Variants in MYO5A observed in about 807,000 individuals in gnomAD.
The protein encoded by MYO5A is unconventional myosin-Va.
A neutral mutation model predicts 249.7 loss-of-function variants in MYO5A; 98 were observed. That is an observed-to-expected ratio of 0.39 (90% CI 0.33 to 0.46). The LOEUF (loss-of-function observed/expected upper bound fraction) is 0.46, where lower values mean the gene tolerates loss of function less well. Among genes scored for constraint, MYO5A ranks in the 20% least tolerant of loss-of-function variants. The probability of loss-of-function intolerance (pLI) is 0.98; values close to 1 mark genes in which losing one functional copy is unlikely to be tolerated. For missense variants in MYO5A, 1,696 were observed against 2,308.8 expected (o/e 0.73, Z 5.44); for synonymous variants, 778 against 810.6 (o/e 0.96, Z 0.68).
intron 37 of MYO5A, among the ~76,000 whole-genome samples, chr15:52,322,726 T>C (rs946629806): frequency 6.6e-6 from 1 of 151,824 alleles, no homozygotes; most frequent in Non-Finnish European, 1.5e-5. Flanking sequence ...AACAATAGAG[T>C]TTTTTTGGAC....
chr15:52,326,632 G>A (rs2038622344), intron 36 of MYO5A, among the ~76,000 whole-genome samples: 1 of 152,172 alleles, frequency 6.6e-6, no homozygotes, highest in South Asian at 2.1e-4. Context: ...ATGGATGATG[G>A]TGATGGCTGT....
At chr15:52,382,856 G>A (rs1353022403) in intron 16 of MYO5A, among the ~76,000 whole-genome samples, 3 of 152,186 alleles carry the variant, frequency 2.0e-5, no homozygotes, top group African/African-American at 7.2e-5. Context: ...AGAATGCTTG[G>A]TTGACCTCAA....
chr15:52,515,353 T>A (rs1460008616), intron 1 of MYO5A, among the ~76,000 whole-genome samples: 1 of 150,866 alleles, frequency 6.6e-6, no homozygotes, highest in East Asian at 1.9e-4. Flanking sequence ...TAGGAAATGA[T>A]AACTGATTAG....
At chr15:52,513,116 G>C (rs546127251) in intron 1 of MYO5A, among the ~76,000 whole-genome samples, 5 of 151,286 alleles carry the variant, frequency 3.3e-5, no homozygotes, top group Admixed American at 6.6e-5. Context: ...GAAAAAGATC[G>C]TAAGTCTTAA....
chr15:52,410,203 G>A lies in MYO5A; in HGVS notation c.756+130C>T, dbSNP rs10518689. On this transcript the variant is annotated intron_variant, in intron 6 of 41. Coordinates refer to ENST00000399233, the MANE Select transcript of MYO5A (RefSeq NM_001382347.1). ...CACCATTTTACAGGCTTCAGTCCAA[G>A]TGTGGTTGGAGGTAATATTGTCATA... is the stretch of plus-strand genomic sequence containing the variant. 181,639 of 1,110,604 alleles carry A rather than the reference G, an allele frequency of 0.16. 15,426 individuals are homozygous for A. The highest frequency in any genetic ancestry group is 0.21 in the Middle Eastern group (883 of 4,306). The allele number at this position is 1,110,604 out of a possible 1,614,324, so 68.8% of individuals were successfully genotyped here.
At chr15:52,397,530 T>C (rs1567087404) in intron 9 of MYO5A, 64 bp from the exon 10 acceptor site, 3 of 1,571,140 alleles carry the variant, frequency 1.9e-6, no homozygotes, top group Non-Finnish European at 2.6e-6. Context: ...TCTCGGAAAA[T>C]GTTAACAAAG....
In MYO5A at chr15:52,310,050, A is replaced by G. The variant is rs927751633; in HGVS notation, c.*3646T>C. ...AACCTTAGTAAAAGATTTGATCTAT[A>G]TTACACATAATTACTCACCCAGAAA... On this transcript the variant is annotated 3_prime_UTR_variant, in exon 42 of 42. Transcript: ENST00000399233. 1.3e-5 allele frequency: 2 copies of G among 152,214 alleles called. No individual in the cohort carries two copies. The highest frequency in any genetic ancestry group is 4.8e-5 in the African/African-American group (2 of 41,458). 9.4% of individuals were successfully genotyped at this position (152,214 alleles called of 1,614,324 possible).
chr15:52,343,156 T>C lies in MYO5A; in HGVS notation c.4001A>G (p.Glu1334Gly). 6.2e-7 allele frequency: 1 copy of C among 1,613,944 alleles called. No homozygotes were observed. Among genetic ancestry groups the C allele is most frequent in the Non-Finnish European group, 8.5e-7 (1 of 1,179,830 alleles). The change falls in exon 31 of 42, where the codon GAG becomes GGG. Residue 1334 changes from glutamate (E) to glycine (G), a missense_variant. Glu to Gly is a moderately conservative substitution (Grantham distance 98). Coordinates refer to ENST00000399233, the MANE Select transcript of MYO5A (RefSeq NM_001382347.1). ...LDYHELNEDG[E>G]LWLVYEGLKQ... ...TAACCCTTCATAAACCAGCCACAGC[T>C]CTCCATCCTCATTCAACTCATGGTA...
chr15:52,507,415 T>C lies in MYO5A; in HGVS notation c.27+21365A>G, dbSNP rs143179565. On this transcript the variant is annotated intron_variant, in intron 1 of 41. Transcript: ENST00000399233. ...AGATGGTGCTGACATTGCTGAGTTGTAGACAGATTACAATCGAAAGAGTAT... is the reference window on the plus strand; with the variant it reads ...AGATGGTGCTGACATTGCTGAGTTGCAGACAGATTACAATCGAAAGAGTAT... 2.5e-3 allele frequency among the ~76,000 whole-genome samples: 382 copies of C among 152,316 alleles called. 1 individual carries two copies. The highest frequency in any genetic ancestry group is 0.01 in the South Asian group (50 of 4,826).
At chr15:52,409,030 G>C (rs1433447701) in intron 6 of MYO5A, among the ~76,000 whole-genome samples, 1 of 152,022 alleles carries the variant, frequency 6.6e-6, no homozygotes, top group Non-Finnish European at 1.5e-5. Flanking sequence ...TGTACATAAA[G>C]GACAATACAA....
At chr15:52,413,791 C>T (rs2043353282) in intron 5 of MYO5A, among the ~76,000 whole-genome samples, 1 of 151,952 alleles carries the variant, frequency 6.6e-6, no homozygotes, top group African/African-American at 2.4e-5. Flanking sequence ...TTTCTTAATC[C>T]AAATTCTTAT....
intron 10 of MYO5A, 108 bp downstream of exon 10, chr15:52,397,093 T>C: frequency 7.4e-7 from 1 of 1,342,570 alleles, no homozygotes; most frequent in Non-Finnish European, 1.0e-6. Context: ...AGGCAAAGTT[T>C]CCCTTCTCTT....
intron 6 of MYO5A, among the ~76,000 whole-genome samples, chr15:52,409,872 G>C (rs141098679): frequency 6.6e-6 from 1 of 151,982 alleles, no homozygotes; most frequent in African/African-American, 2.4e-5. Context: ...GTTCACAATT[G>C]GGTTGTGAAG....
chr15:52,410,419 T>C lies in MYO5A; in HGVS notation c.670A>G (p.Ile224Val). ...TATCTCTTATCAAAACCAATCTCAA[T>C]ATACTTCCCAAAACGGCTGCTATTA... ...NDNSSRFGKY[I>V]EIGFDKRYRI... The change falls in exon 6 of 42, where the codon ATT (isoleucine) becomes GTT (valine). Residue 224 changes from isoleucine (I) to valine (V), a missense_variant. Transcript: ENST00000399233. The C allele has an allele frequency of 6.2e-7, 1 of 1,613,530 alleles. No homozygotes were observed. Among genetic ancestry groups the C allele is most frequent in the Non-Finnish European group, 8.5e-7 (1 of 1,179,516 alleles).
chr15:52,337,924 G>T, intron 32 of MYO5A, 40 bp from the exon 33 acceptor site: 1 of 1,351,824 alleles, frequency 7.4e-7, no homozygotes, highest in Non-Finnish European at 1.0e-6. Flanking sequence ...TTTTGTCTGT[G>T]TGTTTGAGGG....
At chr15:52,348,487 G>C (rs1049050183) in intron 29 of MYO5A, among the ~76,000 whole-genome samples, 3 of 152,152 alleles carry the variant, frequency 2.0e-5, no homozygotes, top group East Asian at 3.9e-4. Flanking sequence ...GAGCTCAGGA[G>C]AGCCTGTGCT....
At chr15:52,384,442 G>T in intron 14 of MYO5A, 120 bp from the exon 15 acceptor site, 1 of 1,011,718 alleles carries the variant, frequency 9.9e-7, no homozygotes, top group Non-Finnish European at 1.5e-6. Context: ...TCACACTCCA[G>T]AAAGAGTCAG....
intron 39 of MYO5A, 133 bp downstream of exon 39, chr15:52,318,927 C>G: frequency 2.6e-6 from 3 of 1,167,568 alleles, no homozygotes; most frequent in Non-Finnish European, 3.7e-6. Context: ...GTGCCAGTTT[C>G]TCCCTTGCTG....
chr15:52,388,697 T>G lies in MYO5A; in HGVS notation c.1668+541A>C, dbSNP rs1595576325. Among the ~76,000 whole-genome samples, 4 of 152,288 alleles carry G rather than the reference T, an allele frequency of 2.6e-5. No homozygotes were observed. In the South Asian group the frequency reaches 8.3e-4, roughly 32 times the overall value. On this transcript the variant is annotated intron_variant, in intron 13 of 41. Transcript: ENST00000399233. ...TGAAGCAGTAAGACAGTATGCCTTA[T>G]TAGAAGGGACCCAGTGAATCAATTG...
Sources: allele counts gnomAD v4.1 joint callset (sites outside exome capture counted in the v4.1 genomes callset), GRCh38; gene constraint gnomAD v4.1.1; transcripts MANE v1.5; gene names NCBI Gene and HGNC (gene_info 2026-07-23, HGNC 2026-07-21).